Variants in APLP1 observed in about 807,000 individuals in gnomAD.
The protein encoded by APLP1 is amyloid beta (A4) precursor-like protein 1.
Under a neutral mutation model 84.5 loss-of-function variants are expected in APLP1, and 46 were observed. The observed-to-expected ratio is 0.54, with a 90% CI of 0.43 to 0.70. The LOEUF is 0.70. Ranked by LOEUF, APLP1 falls within the 30% of genes least tolerant of loss-of-function variation. APLP1 has a pLI of 0.00. For synonymous variants in APLP1, 376 were observed against 364.0 expected, an observed-to-expected ratio of 1.03 and a Z score of -0.38; for missense variants, 826 against 900.2, an observed-to-expected ratio of 0.92 and a Z score of 1.05.
rs896912774 is a variant in APLP1 at position 35,874,411 on chromosome 19, C to G, written c.1057-93C>G. The G allele has an allele frequency of 6.6e-7, 1 of 1,517,308 alleles. No homozygotes were observed. Among genetic ancestry groups the G allele is most frequent in the South Asian group, 1.2e-5 (1 of 83,724 alleles). The allele number at this position is 1,517,308 out of a possible 1,614,324, so 94.0% of individuals were successfully genotyped here. On this transcript the variant is annotated intron_variant, in intron 8 of 16. Transcript: ENST00000221891. This position sits in a 1 kb window ranked among gnomAD's most constrained non-coding sequence, Gnocchi z 6.4. ...CAGGCCTGGACCCCTGGAACGCCCC[C>G]CAACCCCATGTAGCCCTGCCTTTCC...
At chr19:35,871,205 G>A (rs746323089) in intron 3 of APLP1, 32 bp from the exon 4 acceptor site, 1 of 1,600,602 alleles carries the variant, frequency 6.2e-7, no homozygotes, top group South Asian at 1.1e-5. Flanking sequence ...GGCTATAGGA[G>A]GATCTCACCC....
intron 11 of APLP1, 34 bp from the exon 12 acceptor site, chr19:35,877,684 C>G: frequency 1.3e-6 from 2 of 1,538,436 alleles, no homozygotes; most frequent in Non-Finnish European, 1.8e-6. Flanking sequence ...CCTATGCTCA[C>G]TACCTCAGCC....
chr19:35,877,345 C>T (rs745651757), intron 11 of APLP1, among the ~76,000 whole-genome samples: 12 of 151,904 alleles, frequency 7.9e-5, no homozygotes, highest in South Asian at 2.1e-4. Context: ...AAAAATCAGC[C>T]GGGCATGATG....
chr19:35,877,593 T>C, intron 11 of APLP1, 125 bp from the exon 12 acceptor site: 3 of 621,762 alleles, frequency 4.8e-6, no homozygotes, highest in Non-Finnish European at 5.6e-6. Flanking sequence ...ATCACACTTC[T>C]GGCTACCCCA....
chr19:35,873,308 G>A (rs1469055841), intron 7 of APLP1, among the ~76,000 whole-genome samples: 4 of 148,310 alleles, frequency 2.7e-5, no homozygotes, highest in Admixed American at 1.4e-4. Flanking sequence ...GTGCAGTGAC[G>A]TGATCTCCCA....
In APLP1 at chr19:35,878,533, G is replaced by A. The variant is rs1406632072; in HGVS notation, c.1580-51G>A. The stretch of plus-strand genomic sequence containing the variant: ...TGCACTCCAGCCTGGGTGACAGAGT[G>A]AGACTCTGTCTAAAGAAAAAAAAAA... On this transcript the variant is annotated intron_variant, in intron 13 of 16. Transcript: ENST00000221891. 8 of 1,566,692 alleles carry A rather than the reference G, an allele frequency of 5.1e-6. No homozygotes were observed. The African/African-American group carries it at 1.1e-4, about 21-fold the overall frequency.
intron 3 of APLP1, 104 bp downstream of exon 3, chr19:35,871,132 C>G (rs1157000083): frequency 1.3e-6 from 2 of 1,519,288 alleles, no homozygotes; most frequent in African/African-American, 2.8e-5. Flanking sequence ...TGCTTGTGTC[C>G]TAAGTGGGGC....
chr19:35,877,532 C>T (rs573366581), intron 11 of APLP1, among the ~76,000 whole-genome samples, 186 bp from the exon 12 acceptor site: 2 of 151,988 alleles, frequency 1.3e-5, no homozygotes, highest in Admixed American at 1.3e-4. Flanking sequence ...GAAACTTCAG[C>T]CTCCATCCTT....
chr19:35,872,368 G>A, intron 6 of APLP1, 115 bp from the exon 7 acceptor site: 1 of 1,414,902 alleles, frequency 7.1e-7, no homozygotes, highest in Non-Finnish European at 9.6e-7. Flanking sequence ...CAGCAGCGGT[G>A]GCTAAACTGG....
rs562292374 is a variant in APLP1 at position 35,874,549 on chromosome 19, G to A, written c.1102G>A (p.Glu368Lys). The A allele has an allele frequency of 2.5e-6, 4 of 1,614,116 alleles. No homozygotes were observed. In the South Asian group the frequency reaches 4.4e-5, roughly 18 times the overall value. Residue 368 changes from glutamate to lysine, a missense_variant, in exon 9 of 17, where the codon GAG becomes AAG. Coordinates refer to ENST00000221891, the MANE Select transcript of APLP1 (RefSeq NM_001024807.3). This position sits in a 1 kb window ranked among gnomAD's most constrained non-coding sequence, Gnocchi z 6.4. The part of the protein sequence containing the change: ...LQTLEEQVSG[E>K]RQRLVETHAT... Reference sequence around the variant, plus strand: ...GACTCTGGAGGAGCAGGTGTCTGGTGAGCGACAGCGCCTGGTGGAAACCCA... The same window carrying A: ...GACTCTGGAGGAGCAGGTGTCTGGTAAGCGACAGCGCCTGGTGGAAACCCA...
intron 8 of APLP1, 53 bp downstream of exon 8, chr19:35,873,766 C>T (rs1974216494): frequency 2.6e-6 from 4 of 1,549,384 alleles, no homozygotes; most frequent in Non-Finnish European, 3.5e-6. Context: ...CTGGAGCACA[C>T]TCAGTTTCAC....
chr19:35,879,522 C>A lies in APLP1; in HGVS notation c.*81C>A. 2 of 1,225,088 alleles carry A rather than the reference C, an allele frequency of 1.6e-6. No individual in the cohort carries two copies. Among genetic ancestry groups the A allele is most frequent in the Non-Finnish European group, 2.4e-6 (2 of 838,798 alleles). The allele number at this position is 1,225,088 out of a possible 1,614,324, so 75.9% of individuals were successfully genotyped here. On this transcript the variant is annotated 3_prime_UTR_variant, in exon 17 of 17. Coordinates refer to ENST00000221891, the MANE Select transcript of APLP1 (RefSeq NM_001024807.3). ...CAGAACCCCAACTCCCAGCCTAGGG[C>A]AGCAGGGAGTCTTGAAGTGATCATT...
rs370390610 is a variant in APLP1 at position 35,878,580 on chromosome 19, G to A, written c.1580-4G>A. The A allele has an allele frequency of 9.9e-6, 16 of 1,613,778 alleles. No homozygotes were observed. The highest frequency in any genetic ancestry group is 2.2e-5 in the South Asian group (2 of 91,072). On this transcript the variant is annotated splice_polypyrimidine_tract_variant and splice_region_variant and intron_variant, in intron 13 of 16. Coordinates refer to ENST00000221891, the MANE Select transcript of APLP1 (RefSeq NM_001024807.3). ...AAAAAGAATGAGATCAGACTTGGGGGTAGGGTCCACAGAACAAGATGCTGC... is the reference window on the plus strand; with the variant it reads ...AAAAAGAATGAGATCAGACTTGGGGATAGGGTCCACAGAACAAGATGCTGC...
chr19:35,878,622 A>C lies in APLP1; in HGVS notation c.1618A>C (p.Lys540Gln). Residue 540 changes from lysine to glutamine, a missense_variant, in exon 14 of 17, where the codon AAG becomes CAG. Around this residue, in one of 3 missense-constraint regions of APLP1, gnomAD observed 433 missense variants for 496.5 expected, o/e 0.87. Transcript: ENST00000221891. ...EQDAASPEKE[K>Q]MNPLEQYERK... ...AGATGCTGCATCCCCTGAGAAAGAGAAGATGAACCCGCTGGAACAGTATGA... is the reference window on the plus strand; with the variant it reads ...AGATGCTGCATCCCCTGAGAAAGAGCAGATGAACCCGCTGGAACAGTATGA... 6.2e-7 allele frequency: 1 copy of C among 1,614,034 alleles called. No individual in the cohort carries two copies. The highest frequency in any genetic ancestry group is 8.5e-7 in the Non-Finnish European group (1 of 1,180,010).
At chr19:35,872,660 T>G in intron 7 of APLP1, 47 bp downstream of exon 7, 1 of 1,568,478 alleles carries the variant, frequency 6.4e-7, no homozygotes, top group Non-Finnish European at 8.6e-7. Context: ...CAGAGCTCCC[T>G]AAATACCAGG....
In APLP1 at chr19:35,874,472, C is replaced by T. The variant is rs150631237; in HGVS notation, c.1057-32C>T. On this transcript the variant is annotated intron_variant, in intron 8 of 16. Coordinates refer to ENST00000221891, the MANE Select transcript of APLP1 (RefSeq NM_001024807.3). This position sits in a 1 kb window ranked among gnomAD's most constrained non-coding sequence, Gnocchi z 6.4. ...TGACCAGGCTTTGACCCATCTTCTC[C>T]TCTCCTGACCCTGTGCCCACCCGCT... 439 of 1,611,314 alleles carry T rather than the reference C, an allele frequency of 2.7e-4. 1 individual carries two copies. The African/African-American group carries it at 5.2e-3, about 19-fold the overall frequency.
chr19:35,869,146 C>T, intron 1 of APLP1: 2 of 319,638 alleles, frequency 6.3e-6, no homozygotes, highest in South Asian at 1.2e-4. Flanking sequence ...TCTCTGGACC[C>T]ATATGGAGGC....
rs772947942 is a variant in APLP1 at position 35,879,369 on chromosome 19, G to A, written c.1884G>A (p.Glu628=). The change falls in exon 17 of 17, where the codon GAG becomes GAA. Residue 628 remains glutamate, a synonymous_variant. Transcript: ENST00000221891. ...VEVDPMLTLE[E]QQLRELQRHG... Reference sequence around the variant, plus strand: ...TGGACCCCATGCTGACCCTGGAGGAGCAGCAGCTCCGCGAACTGCAGCGGC... The same window carrying A: ...TGGACCCCATGCTGACCCTGGAGGAACAGCAGCTCCGCGAACTGCAGCGGC... 1 of 1,613,952 alleles carries A rather than the reference G, an allele frequency of 6.2e-7. No homozygotes were observed. The highest frequency in any genetic ancestry group is 1.7e-5 in the Admixed American group (1 of 60,010).
Position 35,874,333 on chromosome 19 carries a change from C to G in APLP1, c.1057-171C>G, listed in dbSNP as rs2146908821. Among the ~76,000 whole-genome samples the G allele has an allele frequency of 6.6e-6, 1 of 152,320 alleles. No individual in the cohort carries two copies. The highest frequency in any genetic ancestry group is 1.5e-5 in the Non-Finnish European group (1 of 68,024). On this transcript the variant is annotated intron_variant, in intron 8 of 16. Coordinates refer to ENST00000221891, the MANE Select transcript of APLP1 (RefSeq NM_001024807.3). The surrounding 1 kb of genome is among the most constrained non-coding windows in gnomAD (Gnocchi z 6.4). ...CCCAGTGGGCCTAGTCCCACCTCCA[C>G]TCTGCCTGGCCCTGTAGCCCACCCC...
Sources: allele counts gnomAD v4.1 joint callset (sites outside exome capture counted in the v4.1 genomes callset), GRCh38; gene constraint gnomAD v4.1.1; regional missense constraint gnomAD v4.1.1; non-coding constraint Gnocchi (gnomAD v3.1); transcripts MANE v1.5; gene names NCBI Gene and HGNC (gene_info 2026-07-23, HGNC 2026-07-21).